Variants in PDS5A observed in about 807,000 individuals in gnomAD.
The protein encoded by PDS5A is sister chromatid cohesion protein PDS5 homolog A.
In PDS5A, 42 loss-of-function variants were observed where a neutral mutation model predicts 167.1. The ratio of observed to expected loss-of-function variants is 0.25; its 90% CI spans 0.20 to 0.33. The LOEUF is 0.33. Ranked by LOEUF, PDS5A falls within the 10% of genes least tolerant of loss-of-function variation. The pLI, the probability that PDS5A is intolerant of heterozygous loss-of-function variation, is 1.00. For synonymous variants in PDS5A, 553 were observed against 554.6 expected, an observed-to-expected ratio of 1.00 and a Z score of 0.04; for missense variants, 1,033 against 1,605.9, an observed-to-expected ratio of 0.64 and a Z score of 6.10.
At chr4:39,827,776 C>T (rs1715455315) in intron 32 of PDS5A, among the ~76,000 whole-genome samples, 1 of 152,112 alleles carries the variant, frequency 6.6e-6, no homozygotes, top group Non-Finnish European at 1.5e-5. Context: ...AGTCTGTTAT[C>T]CTACAGATAT....
At chr4:39,945,747 C>T (rs1443184728) in intron 2 of PDS5A, among the ~76,000 whole-genome samples, 1 of 152,120 alleles carries the variant, frequency 6.6e-6, no homozygotes, top group Non-Finnish European at 1.5e-5. Flanking sequence ...ATCTCTTAAT[C>T]CATTAACTGA....
At chr4:39,968,980 G>A (rs1730249408) in intron 2 of PDS5A, among the ~76,000 whole-genome samples, 1 of 152,044 alleles carries the variant, frequency 6.6e-6, no homozygotes, top group African/African-American at 2.4e-5. Flanking sequence ...TCTCCATGTT[G>A]GTCAGGCTGG....
At chr4:39,842,778 T>C (rs1295774188) in intron 30 of PDS5A, among the ~76,000 whole-genome samples, 2 of 151,276 alleles carry the variant, frequency 1.3e-5, no homozygotes, top group Non-Finnish European at 2.9e-5. Context: ...AAAATAAGTA[T>C]GTTTATGAAA....
chr4:39,958,765 C>T (rs1578828429), intron 2 of PDS5A, among the ~76,000 whole-genome samples: 1 of 152,074 alleles, frequency 6.6e-6, no homozygotes, highest in East Asian at 1.9e-4. Flanking sequence ...CACATCACCA[C>T]CCCTGACTAA....
intron 2 of PDS5A, among the ~76,000 whole-genome samples, chr4:39,933,986 G>A (rs1041558358): frequency 2.0e-5 from 3 of 152,138 alleles, no homozygotes; most frequent in East Asian, 1.9e-4. Flanking sequence ...ATGTGTGTGC[G>A]GGCAGGCACA....
At chr4:39,926,632 A>C (rs1055495576) in intron 4 of PDS5A, 143 bp downstream of exon 4, 2 of 524,370 alleles carry the variant, frequency 3.8e-6, no homozygotes, top group African/African-American at 4.0e-5. Context: ...AAATAAAATA[A>C]TATTTTCCTT....
intron 21 of PDS5A, among the ~76,000 whole-genome samples, chr4:39,870,573 G>GT (rs928555322): frequency 1.5e-4 from 23 of 148,978 alleles, no homozygotes; most frequent in African/African-American, 5.4e-4. Flanking sequence ...GGGTGACAGA[G>GT]TGAGACCATG....
At chr4:39,955,837 C>T (rs1253165657) in intron 2 of PDS5A, among the ~76,000 whole-genome samples, 2 of 151,712 alleles carry the variant, frequency 1.3e-5, no homozygotes, top group Non-Finnish European at 2.9e-5. Context: ...CAGTTAAGGC[C>T]GGTGTGGTGG....
intron 17 of PDS5A, 116 bp from the exon 18 acceptor site, chr4:39,879,949 G>T (rs978710322): frequency 1.5e-5 from 9 of 588,760 alleles, no homozygotes; most frequent in Non-Finnish European, 2.3e-5. Flanking sequence ...GAGTTTCTGT[G>T]GGGGAAAAAA....
intron 11 of PDS5A, among the ~76,000 whole-genome samples, chr4:39,907,736 G>A (rs182464441): frequency 0.013 from 2,004 of 152,058 alleles, 18 homozygotes; most frequent in Non-Finnish European, 0.019. Flanking sequence ...ACAGGTGCCC[G>A]CCACCATGCT....
intron 2 of PDS5A, among the ~76,000 whole-genome samples, chr4:39,953,278 G>A (rs1728584941): frequency 6.6e-6 from 1 of 152,128 alleles, no homozygotes; most frequent in African/African-American, 2.4e-5. Context: ...TTAAAGAACA[G>A]TTTCACCGTG....
intron 2 of PDS5A, among the ~76,000 whole-genome samples, chr4:39,957,206 C>T (rs1373473392): frequency 6.6e-6 from 1 of 151,916 alleles, no homozygotes; most frequent in African/African-American, 2.4e-5. Context: ...AAGTATTAAA[C>T]TTAACAAAAT....
chr4:39,938,508 C>G (rs1034538538), intron 2 of PDS5A, among the ~76,000 whole-genome samples: 1 of 151,640 alleles, frequency 6.6e-6, no homozygotes, highest in African/African-American at 2.4e-5. Context: ...GAGCCAAGAT[C>G]GTGCCACTGC....
At chr4:39,906,116 T>C (rs1723315952) in intron 11 of PDS5A, among the ~76,000 whole-genome samples, 1 of 152,036 alleles carries the variant, frequency 6.6e-6, no homozygotes. Flanking sequence ...TCTCAACACT[T>C]TGGGAGGTGG....
chr4:39,946,014 C>G, intron 2 of PDS5A, among the ~76,000 whole-genome samples: 1 of 151,786 alleles, frequency 6.6e-6, no homozygotes, highest in East Asian at 1.9e-4. Context: ...CGAGACCAGC[C>G]TGGCCAACAA....
intron 5 of PDS5A, 82 bp from the exon 6 acceptor site, chr4:39,922,830 C>A: frequency 7.5e-7 from 1 of 1,326,464 alleles, no homozygotes; most frequent in South Asian, 2.3e-5. Flanking sequence ...ATTAAACGTC[C>A]TAGTTTAAAA....
chr4:39,894,221 A>G (rs1005454272), intron 16 of PDS5A, among the ~76,000 whole-genome samples: 1 of 152,178 alleles, frequency 6.6e-6, no homozygotes, highest in Non-Finnish European at 1.5e-5. Context: ...CAGCCTGGGC[A>G]ACATGGTGAA....
chr4:39,873,955 G>A (rs1720261442), intron 20 of PDS5A, among the ~76,000 whole-genome samples: 1 of 152,074 alleles, frequency 6.6e-6, no homozygotes, highest in Admixed American at 6.6e-5. Flanking sequence ...GAGGCAGAAG[G>A]ACTGCTTGAA....
At chr4:39,949,534 C>T (rs991984678) in intron 2 of PDS5A, among the ~76,000 whole-genome samples, 3 of 151,866 alleles carry the variant, frequency 2.0e-5, no homozygotes, top group Non-Finnish European at 2.9e-5. Context: ...GATAACTGTT[C>T]TAAAACTGAC....
Sources: gnomAD v4.1 joint callset for allele counts (sites outside exome capture counted in the v4.1 genomes callset) on GRCh38, gnomAD v4.1.1 for gene constraint, MANE v1.5 for transcripts, NCBI Gene and HGNC (gene_info 2026-07-23, HGNC 2026-07-21) for gene names.